CRTC1: variants seen among roughly 807,000 people sequenced by gnomAD.
CRTC1 encodes the protein CREB regulated transcription coactivator 1, also known as CREB-regulated transcription coactivator 1.
Under a neutral mutation model 66.1 loss-of-function variants are expected in CRTC1, and 18 were observed. The ratio of observed to expected loss-of-function variants is 0.27; its 90% CI spans 0.19 to 0.40. The LOEUF is 0.40. Among genes scored for constraint, CRTC1 ranks in the 10% least tolerant of loss-of-function variants. The pLI is 1.00. For missense variants in CRTC1, 669 were observed against 887.9 expected (o/e 0.75, Z 3.13); for synonymous variants, 416 against 398.8 (o/e 1.04, Z -0.51).
chr19:18,692,008 C>T (rs948932313), intron 1 of CRTC1, among the ~76,000 whole-genome samples: 3 of 152,222 alleles, frequency 2.0e-5, no homozygotes, highest in Middle Eastern at 3.4e-3. Context: ...CCACCGCGCT[C>T]GGTCTTCCCC....
At position 18,782,237 on chromosome 19, in the gene CRTC1, C is replaced by A. The variant is rs935284090; in HGVS notation, c.*4855C>A. 4.4e-5 allele frequency: 10 copies of A among 225,474 alleles called. No individual in the cohort carries two copies. The highest frequency in any genetic ancestry group is 2.0e-4 in the African/African-American group (9 of 44,748). 14.0% of individuals were successfully genotyped at this position (225,474 alleles called of 1,614,324 possible). A position where few individuals can be genotyped will look rare whatever the true frequency, so the allele number is the denominator to read the frequency against. ...GGGGGCAGGCGGCTCAGGGCACACT[C>A]GGCCGTCCCTGCCCCATCCTCTGGC... On this transcript the variant is annotated 3_prime_UTR_variant, in exon 14 of 14. Transcript: ENST00000321949.
intron 1 of CRTC1, among the ~76,000 whole-genome samples, chr19:18,704,875 C>A (rs1432707352): frequency 6.6e-6 from 1 of 151,826 alleles, no homozygotes; most frequent in Non-Finnish European, 1.5e-5. Context: ...GAAACTCTGT[C>A]CCCATTAAAC....
At chr19:18,710,159 T>C (rs2053357623) in intron 1 of CRTC1, among the ~76,000 whole-genome samples, 1 of 151,504 alleles carries the variant, frequency 6.6e-6, no homozygotes, top group South Asian at 2.1e-4. Flanking sequence ...TTGGCCACCT[T>C]CCCCCCACCC....
At chr19:18,706,696 GA>G (rs1183214501) in intron 1 of CRTC1, among the ~76,000 whole-genome samples, 3 of 151,830 alleles carry the variant, frequency 2.0e-5, no homozygotes, top group African/African-American at 7.3e-5. Flanking sequence ...CTATTTCTGC[GA>G]AAAAGGATAT....
intron 1 of CRTC1, among the ~76,000 whole-genome samples, chr19:18,742,615 A>C (rs1400025214): frequency 6.6e-6 from 1 of 152,036 alleles, no homozygotes; most frequent in Non-Finnish European, 1.5e-5. Flanking sequence ...TTGCCCATTC[A>C]CTGACTGACC....
In CRTC1 at chr19:18,777,495, T is replaced by C. The variant is rs757723462; in HGVS notation, c.*113T>C. 9.6e-7 allele frequency: 1 copy of C among 1,038,868 alleles called. No individual in the cohort carries two copies. The highest frequency in any genetic ancestry group is 1.3e-5 in the South Asian group (1 of 76,066). 64.4% of individuals were successfully genotyped at this position (1,038,868 alleles called of 1,614,324 possible). ...CGAGCTTGTGATTCTGAGCTTGCAA[T>C]GCCGCCAAGCGCCCCCCGCCAGCCC... On this transcript the variant is annotated 3_prime_UTR_variant, in exon 14 of 14. Coordinates refer to ENST00000321949, the MANE Select transcript of CRTC1 (RefSeq NM_015321.3). The surrounding 1 kb of genome is among the most constrained non-coding windows in gnomAD (Gnocchi z 5.5).
chr19:18,690,141 G>T (rs966537016), intron 1 of CRTC1, among the ~76,000 whole-genome samples: 4 of 151,940 alleles, frequency 2.6e-5, no homozygotes, highest in African/African-American at 9.7e-5. Flanking sequence ...CAGGACATTG[G>T]GGATTCCTCG....
chr19:18,747,729 C>T (rs1358213875), intron 4 of CRTC1, among the ~76,000 whole-genome samples: 1 of 152,148 alleles, frequency 6.6e-6, no homozygotes, highest in Non-Finnish European at 1.5e-5. Context: ...TGTTACTCAA[C>T]AGCCATTAAA....
intron 1 of CRTC1, among the ~76,000 whole-genome samples, chr19:18,734,874 AC>A (rs1447427097): frequency 6.6e-6 from 1 of 151,990 alleles, no homozygotes; most frequent in African/African-American, 2.4e-5. Context: ...TTCCCCTGGG[AC>A]CCAGTGCCTG....
chr19:18,760,252 C>T lies in CRTC1; in HGVS notation c.886+24C>T, dbSNP rs186405309. On this transcript the variant is annotated intron_variant, in intron 8 of 13. Coordinates refer to ENST00000321949, the MANE Select transcript of CRTC1 (RefSeq NM_015321.3). This position sits in a 1 kb window ranked among gnomAD's most constrained non-coding sequence, Gnocchi z 6.2. ...GGGTAAGGCAGGGACACTCCGCCCTCGGACAGAGCACTGGCTTGTGGAGAC... is the reference window on the plus strand; with the variant it reads ...GGGTAAGGCAGGGACACTCCGCCCTTGGACAGAGCACTGGCTTGTGGAGAC... 8.2e-5 allele frequency: 126 copies of T among 1,539,962 alleles called. 1 individual carries two copies. In the African/African-American group the frequency reaches 1.4e-3, roughly 17 times the overall value.
At position 18,747,055 on chromosome 19, in the gene CRTC1, C is replaced by A. The variant is rs201695695; in HGVS notation, c.384C>A (p.Ala128=). 6.2e-7 allele frequency: 1 copy of A among 1,613,146 alleles called. No homozygotes were observed. Among genetic ancestry groups the A allele is most frequent in the South Asian group, 1.1e-5 (1 of 91,030 alleles). ...PLSVDKHGRQ[A]DSCPYGTMYL... Reference sequence around the variant, plus strand: ...ACTGCCCCCTTAACTCACCTCACGCCGACAGCTGCCCCTATGGCACCATGT... The same window carrying A: ...ACTGCCCCCTTAACTCACCTCACGCAGACAGCTGCCCCTATGGCACCATGT... Residue 128 remains alanine (A), a splice_region_variant and synonymous_variant, in exon 4 of 14, where the codon GCC becomes GCA. Coordinates refer to ENST00000321949, the MANE Select transcript of CRTC1 (RefSeq NM_015321.3).
At chr19:18,733,970 A>G (rs538359905) in intron 1 of CRTC1, among the ~76,000 whole-genome samples, 39 of 152,078 alleles carry the variant, frequency 2.6e-4, no homozygotes, top group Non-Finnish European at 2.8e-4. Context: ...TTCGCCGGGC[A>G]TGGTGGCGCG....
At chr19:18,695,491 G>A (rs777183980) in intron 1 of CRTC1, among the ~76,000 whole-genome samples, 49 of 152,312 alleles carry the variant, frequency 3.2e-4, no homozygotes, top group Non-Finnish European at 6.3e-4. Context: ...GGCAACTTTT[G>A]GGGACATTTG....
chr19:18,774,223 C>T (rs949240318), intron 11 of CRTC1, among the ~76,000 whole-genome samples: 1 of 152,198 alleles, frequency 6.6e-6, no homozygotes, highest in African/African-American at 2.4e-5. Context: ...TGGGGAGGGG[C>T]TCCGAGTGTC....
chr19:18,711,776 G>T (rs922936370), intron 1 of CRTC1, among the ~76,000 whole-genome samples: 1 of 152,166 alleles, frequency 6.6e-6, no homozygotes, highest in South Asian at 2.1e-4. Flanking sequence ...AGCAGCTGAC[G>T]TCCTCTTCCT....
At position 18,771,973 on chromosome 19, in the gene CRTC1, G is replaced by GCCCTGCTTTCCCCTTCAC. The variant is rs1195228970; in HGVS notation, c.1425+431_1425+448dup. ...CCGCAGGGAAGGCGCTGACTCTGCA[G>GCCCTGCTTTCCCCTTCAC]CCCTGCTTTCCCCTTCACCCCATAG... On this transcript the variant is annotated intron_variant, in intron 11 of 13. Transcript: ENST00000321949. The surrounding 1 kb of genome is among the most constrained non-coding windows in gnomAD (Gnocchi z 4.6). Among the ~76,000 whole-genome samples the GCCCTGCTTTCCCCTTCAC allele has an allele frequency of 6.6e-6, 1 of 152,190 alleles. No homozygotes were observed. Among genetic ancestry groups the GCCCTGCTTTCCCCTTCAC allele is most frequent in the Non-Finnish European group, 1.5e-5 (1 of 68,028 alleles).
intron 1 of CRTC1, among the ~76,000 whole-genome samples, chr19:18,736,235 G>T (rs944898247): frequency 4.6e-5 from 7 of 152,132 alleles, no homozygotes; most frequent in Admixed American, 6.5e-5. Flanking sequence ...TTCATTCCAG[G>T]GTCCCTCTGC....
intron 1 of CRTC1, among the ~76,000 whole-genome samples, chr19:18,732,918 C>T (rs1470286829): frequency 6.6e-5 from 10 of 151,760 alleles, no homozygotes; most frequent in African/African-American, 2.4e-4. Context: ...AGGAAGACCC[C>T]ATCTCTGAAA....
At chr19:18,749,356 G>T (rs1230032586) in intron 4 of CRTC1, among the ~76,000 whole-genome samples, 1 of 152,202 alleles carries the variant, frequency 6.6e-6, no homozygotes, top group Non-Finnish European at 1.5e-5. Flanking sequence ...AGGGGACCTG[G>T]TGACAGACTG....
Sources: gnomAD v4.1 joint callset for allele counts (sites outside exome capture counted in the v4.1 genomes callset) on GRCh38, gnomAD v4.1.1 for gene constraint, Gnocchi (gnomAD v3.1) non-coding constraint, MANE v1.5 for transcripts, NCBI Gene and HGNC (gene_info 2026-07-23, HGNC 2026-07-21) for gene names.